The following DAB1 variants were observed in gnomAD, a reference collection of about 807,000 sequenced individuals.
DAB1 encodes the protein disabled homolog 1.
Under a neutral mutation model 64.6 loss-of-function variants are expected in DAB1, and 15 were observed. That is an observed-to-expected ratio of 0.23 (90% CI 0.16 to 0.36). DAB1 has a LOEUF of 0.36. DAB1 is among the 10% of genes least tolerant of loss of function. The pLI, the probability that DAB1 is intolerant of heterozygous loss-of-function variation, is 1.00. For missense variants in DAB1, 596 were observed against 706.7 expected, an observed-to-expected ratio of 0.84 and a Z score of 1.78; for synonymous variants, 235 against 251.9, an observed-to-expected ratio of 0.93 and a Z score of 0.64.
intron 1 of DAB1, among the ~76,000 whole-genome samples, chr1:57,877,374 C>T (rs1172240453): frequency 6.6e-6 from 1 of 152,056 alleles, no homozygotes; most frequent in Non-Finnish European, 1.5e-5. Flanking sequence ...ACACTCTGTT[C>T]CCCACCCTGC....
At chr1:57,040,324 C>T (rs150447439) in intron 9 of DAB1, among the ~76,000 whole-genome samples, 1 of 152,094 alleles carries the variant, frequency 6.6e-6, no homozygotes, top group African/African-American at 2.4e-5. Context: ...ATATAGCGCT[C>T]TCTGTGCTGT....
chr1:57,255,004 T>A (rs964460867), intron 2 of DAB1, among the ~76,000 whole-genome samples: 11 of 151,990 alleles, frequency 7.2e-5, no homozygotes, highest in African/African-American at 2.7e-4. Flanking sequence ...AAGACTACTA[T>A]TTTTTTTCTT....
intron 3 of DAB1, among the ~76,000 whole-genome samples, chr1:58,442,525 C>G (rs1645022934): frequency 6.6e-6 from 1 of 152,152 alleles, no homozygotes; most frequent in Non-Finnish European, 1.5e-5. Flanking sequence ...TAGCCAAATG[C>G]CCAGTAGAAT....
At chr1:58,508,881 A>T (rs924865232) in intron 2 of DAB1, among the ~76,000 whole-genome samples, 2 of 150,344 alleles carry the variant, frequency 1.3e-5, no homozygotes, top group Non-Finnish European at 3.0e-5. Flanking sequence ...CAACATTCTA[A>T]CATTTCTGAG....
intron 3 of DAB1, among the ~76,000 whole-genome samples, chr1:58,373,681 T>G (rs1644294054): frequency 6.6e-6 from 1 of 152,202 alleles, no homozygotes. Flanking sequence ...TATAGTCATT[T>G]GGGTATATAC....
rs1043165928 is a variant in DAB1 at position 57,014,819 on chromosome 1, C to T, written c.1444+64G>A. 1.1e-5 allele frequency: 15 copies of T among 1,394,840 alleles called. No individual in the cohort carries two copies. The African/African-American group carries it at 2.0e-4, about 19-fold the overall frequency. The allele number at this position is 1,394,840 out of a possible 1,614,324, so 86.4% of individuals were successfully genotyped here. On this transcript the variant is annotated intron_variant, in intron 12 of 14. Coordinates refer to ENST00000371236, the MANE Select transcript of DAB1 (RefSeq NM_001365792.1). ...GAGATGAGTTATTTGACTCCAGAAA[C>T]CCCGCCTCCAGACATGAGTTACGGC...
At position 57,015,112 on chromosome 1, in the gene DAB1, C is replaced by T. The variant is rs568914253; in HGVS notation, c.1215G>A (p.Lys405=). 3 of 1,614,178 alleles carry T rather than the reference C, an allele frequency of 1.9e-6. No homozygotes were observed. Among genetic ancestry groups the T allele is most frequent in the Admixed American group, 1.7e-5 (1 of 60,022 alleles). The change falls in exon 12 of 15, where the codon AAG becomes AAA. Residue 405 remains lysine, a synonymous_variant. Coordinates refer to ENST00000371236, the MANE Select transcript of DAB1 (RefSeq NM_001365792.1). ...TTTCTTTGCCCATTTTCTGCCTGGG[C>T]TTGTCGGTCTGTGGACTTGACCTGG... ...DSTRSSPQTD[K]PRQKMGKETF...
chr1:57,218,515 TAAA>T (rs776398255), intron 2 of DAB1, among the ~76,000 whole-genome samples: 89 of 71,448 alleles, frequency 1.2e-3, no homozygotes, highest in African/African-American at 6.4e-3. Flanking sequence ...CCCCCATCTC[TAAA>T]AAAAAAAAAA....
chr1:57,274,274 G>A (rs564230211), intron 2 of DAB1, among the ~76,000 whole-genome samples: 3 of 152,264 alleles, frequency 2.0e-5, no homozygotes, highest in Admixed American at 6.5e-5. Flanking sequence ...TAAATAGCCC[G>A]CAAATTATCT....
At chr1:57,120,047 C>T (rs1029137928) in intron 4 of DAB1, among the ~76,000 whole-genome samples, 8 of 152,046 alleles carry the variant, frequency 5.3e-5, no homozygotes, top group Admixed American at 2.6e-4. Context: ...AATTTCTCTG[C>T]CTCTACTTTC....
chr1:58,331,123 T>C (rs948132105), intron 4 of DAB1, among the ~76,000 whole-genome samples: 1 of 152,192 alleles, frequency 6.6e-6, no homozygotes, highest in Non-Finnish European at 1.5e-5. Context: ...GGTCAAACTA[T>C]CAACTTTAAC....
At chr1:58,307,335 T>A (rs1165786219) in intron 4 of DAB1, among the ~76,000 whole-genome samples, 3 of 152,178 alleles carry the variant, frequency 2.0e-5, no homozygotes, top group African/African-American at 7.2e-5. Context: ...ACTTGGCCCC[T>A]GCCCTTCAGA....
chr1:58,028,078 T>C (rs1473342596), intron 5 of DAB1, among the ~76,000 whole-genome samples: 4 of 152,196 alleles, frequency 2.6e-5, no homozygotes, highest in Non-Finnish European at 5.9e-5. Context: ...ATTCCCATCA[T>C]AGAACATCAA....
At chr1:58,293,120 G>A (rs184049457) in intron 4 of DAB1, among the ~76,000 whole-genome samples, 9 of 152,290 alleles carry the variant, frequency 5.9e-5, no homozygotes, top group South Asian at 2.1e-4. Context: ...ATAAATGAGC[G>A]AGTAGTGAAC....
intron 1 of DAB1, among the ~76,000 whole-genome samples, chr1:57,368,230 G>T (rs996560975): frequency 6.6e-6 from 1 of 152,210 alleles, no homozygotes; most frequent in Admixed American, 6.5e-5. Flanking sequence ...GTGCTGGCCT[G>T]CAGGGGGCCC....
chr1:57,635,821 T>C (rs1372613819), intron 7 of DAB1, among the ~76,000 whole-genome samples: 7 of 151,616 alleles, frequency 4.6e-5, no homozygotes. Context: ...CTTGGCCAGG[T>C]GCGGTGGCTC....
chr1:57,117,349 T>G (rs4912428), intron 4 of DAB1, among the ~76,000 whole-genome samples: 6,593 of 152,280 alleles, frequency 0.043, 262 homozygotes, highest in East Asian at 0.19. Context: ...TATATCACAT[T>G]GGAGCCGCAT....
intron 4 of DAB1, among the ~76,000 whole-genome samples, chr1:58,331,160 C>A (rs1433631706): frequency 6.6e-6 from 1 of 152,122 alleles, no homozygotes; most frequent in Admixed American, 6.5e-5. Flanking sequence ...TTGATTCCAA[C>A]CCTTATGGAT....
intron 2 of DAB1, among the ~76,000 whole-genome samples, chr1:57,248,321 A>T (rs1366487763): frequency 6.6e-6 from 1 of 152,096 alleles, no homozygotes; most frequent in Admixed American, 6.6e-5. Context: ...CCTGTAGATG[A>T]GGAACCTGTA....
Sources: allele counts gnomAD v4.1 joint callset (sites outside exome capture counted in the v4.1 genomes callset), GRCh38; gene constraint gnomAD v4.1.1; transcripts MANE v1.5; gene names NCBI Gene and HGNC (gene_info 2026-07-23, HGNC 2026-07-21).